XKR9: variants seen among roughly 807,000 people sequenced by gnomAD.
The protein encoded by XKR9 is XK-related protein 9.
In XKR9, 32 loss-of-function variants were observed where a neutral mutation model predicts 32.0. That is an observed-to-expected ratio of 1.00 (90% confidence interval 0.76 to 1.34). The LOEUF is 1.34. Among genes scored for constraint, XKR9 ranks in the 40% most tolerant of loss-of-function variants. The probability of loss-of-function intolerance (pLI) is 0.00; values close to 1 mark genes in which losing one functional copy is unlikely to be tolerated. For synonymous variants in XKR9, 168 were observed against 143.4 expected, an observed-to-expected ratio of 1.17 and a Z score of -1.22; for missense variants, 546 against 429.7, an observed-to-expected ratio of 1.27 and a Z score of -2.39.
At chr8:70,746,554 G>C (rs1170846172) in intron 2 of XKR9, among the ~76,000 whole-genome samples, 2 of 151,126 alleles carry the variant, frequency 1.3e-5, no homozygotes, top group South Asian at 2.1e-4. Flanking sequence ...ATATTGCTTT[G>C]ATGGTAGGAA....
chr8:70,681,092 G>C lies in XKR9; in HGVS notation c.34G>C (p.Val12Leu), dbSNP rs531563465. Residue 12 changes from valine (V) to leucine (L), a missense_variant, in exon 3 of 5, where the codon GTT becomes CTT. Coordinates refer to ENST00000408926, the MANE Select transcript of XKR9 (RefSeq NM_001011720.2). ...TACTAAACAGAATTTTATGATGTCA[G>C]TTCTTGGCATTATAATCTACGTAAC... ...KYTKQNFMMS[V>L]LGIIIYVTDL... The C allele has an allele frequency of 3.1e-6, 5 of 1,613,060 alleles. No homozygotes were observed. In the East Asian group the frequency reaches 1.1e-4, roughly 36 times the overall value.
chr8:70,791,205 C>G (rs1283590127), downstream of XKR9, among the ~76,000 whole-genome samples: 4 of 151,802 alleles, frequency 2.6e-5, no homozygotes, highest in African/African-American at 9.7e-5. Context: ...GGCCAGGCAT[C>G]TTGGCTTTGT....
intron 2 of XKR9, among the ~76,000 whole-genome samples, 196 bp from the exon 3 acceptor site, chr8:70,680,585 T>C (rs1441159256): frequency 6.6e-6 from 1 of 152,098 alleles, no homozygotes; most frequent in Non-Finnish European, 1.5e-5. Flanking sequence ...GTCATATTTT[T>C]AAAAGATAAA....
chr8:70,752,910 C>A (rs12678221), intron 2 of XKR9, among the ~76,000 whole-genome samples: 2 of 149,322 alleles, frequency 1.3e-5, no homozygotes, highest in Non-Finnish European at 3.0e-5. Context: ...AAGAAATAAC[C>A]AAAATCAGAC....
At chr8:70,776,963 A>G (rs1807534306) in intron 2 of XKR9, among the ~76,000 whole-genome samples, 1 of 105,850 alleles carries the variant, frequency 9.4e-6, no homozygotes, top group Non-Finnish European at 2.1e-5. Flanking sequence ...ATATATATAT[A>G]TGTATGTATT....
chr8:70,913,386 T>C, the XKR9 span, among the ~76,000 whole-genome samples: 1 of 152,150 alleles, frequency 6.6e-6, no homozygotes, highest in Non-Finnish European at 1.5e-5. Flanking sequence ...TTGAGAATTA[T>C]TAGAAATACT....
In XKR9 at chr8:70,785,737, C is replaced by CTA. The variant is rs1300754425; in HGVS notation, n.353-3601_353-3600insAT. ...TTTTTTGCTCTCTCTCTCTCTCTCT[C>CTA]TCTATATATATATATATATGTATAT... On this transcript the variant is annotated intron_variant and non_coding_transcript_variant, in intron 2 of 3. Transcript: ENST00000520273. Among the ~76,000 whole-genome samples the CTA allele has an allele frequency of 4.8e-3, 551 of 115,670 alleles. 1 individual carries two copies. The highest frequency in any genetic ancestry group is 0.018 in the South Asian group (71 of 4,010). 75.9% of individuals were successfully genotyped at this position (115,670 alleles called of 152,430 possible). A position where few individuals can be genotyped will look rare whatever the true frequency, so the allele number is the denominator to read the frequency against.
At chr8:70,705,820 CAGAG>C (rs1158019516) in intron 3 of XKR9, among the ~76,000 whole-genome samples, 1 of 151,976 alleles carries the variant, frequency 6.6e-6, no homozygotes, top group African/African-American at 2.4e-5. Flanking sequence ...AGAGTAGAAT[CAGAG>C]AGACCAATTA....
chr8:71,057,954 G>A, the XKR9 span, among the ~76,000 whole-genome samples: 1 of 152,140 alleles, frequency 6.6e-6, no homozygotes, highest in Non-Finnish European at 1.5e-5. Flanking sequence ...GGAGGCCGAG[G>A]TGGATGGATC....
chr8:71,047,852 A>G, the XKR9 span, among the ~76,000 whole-genome samples: 10 of 152,332 alleles, frequency 6.6e-5, no homozygotes, highest in East Asian at 1.7e-3. Flanking sequence ...TCATTTGTAT[A>G]TGGAAGCACT....
intron 2 of XKR9, among the ~76,000 whole-genome samples, chr8:70,742,595 C>CT (rs1807003576): frequency 6.6e-6 from 1 of 151,904 alleles, no homozygotes; most frequent in Non-Finnish European, 1.5e-5. Context: ...GTGATGATTT[C>CT]TTTTTTAATT....
chr8:70,763,936 A>G (rs1807340317), intron 2 of XKR9, among the ~76,000 whole-genome samples: 1 of 152,192 alleles, frequency 6.6e-6, no homozygotes, highest in Non-Finnish European at 1.5e-5. Context: ...ACAGAACTTT[A>G]GATTCAGATT....
the XKR9 span, among the ~76,000 whole-genome samples, chr8:70,840,632 G>A: frequency 7.9e-5 from 12 of 152,166 alleles, no homozygotes; most frequent in Non-Finnish European, 1.5e-4. Flanking sequence ...GCTTCCAGAA[G>A]TTCAGCATCA....
chr8:70,821,112 G>A, the XKR9 span, among the ~76,000 whole-genome samples: 1 of 152,174 alleles, frequency 6.6e-6, no homozygotes, highest in Admixed American at 6.5e-5. Context: ...ATACAATGAG[G>A]ATACAGGCAT....
chr8:70,722,968 CA>C (rs1277588683), intron 4 of XKR9, among the ~76,000 whole-genome samples: 4 of 151,946 alleles, frequency 2.6e-5, no homozygotes, highest in Non-Finnish European at 5.9e-5. Flanking sequence ...CACAGAGTCC[CA>C]TATTTCTTGG....
chr8:70,860,529 C>T, the XKR9 span, among the ~76,000 whole-genome samples: 26 of 152,218 alleles, frequency 1.7e-4, no homozygotes, highest in Admixed American at 1.6e-3. Flanking sequence ...CTCTTCTAAA[C>T]TTAATTTATA....
At chr8:70,891,375 A>G in the XKR9 span, among the ~76,000 whole-genome samples, 935 of 151,808 alleles carry the variant, frequency 6.2e-3, 9 homozygotes, top group Non-Finnish European at 8.9e-3. Flanking sequence ...TTTGAGATGA[A>G]TTGTTAGGTT....
the XKR9 span, among the ~76,000 whole-genome samples, chr8:70,801,782 T>A: frequency 1.3e-5 from 2 of 152,154 alleles, no homozygotes; most frequent in African/African-American, 2.4e-5. Context: ...TCACTATTAT[T>A]CTGTGGTTAT....
the XKR9 span, among the ~76,000 whole-genome samples, chr8:71,011,261 A>G: frequency 0.43 from 65,716 of 151,954 alleles, 15,288 homozygotes; most frequent in Non-Finnish European, 0.53. Flanking sequence ...TTGTGCCACT[A>G]TTTTCCCTAG....
Sources: gnomAD v4.1 joint callset for allele counts (sites outside exome capture counted in the v4.1 genomes callset) on GRCh38, gnomAD v4.1.1 for gene constraint, MANE v1.5 for transcripts, NCBI Gene and HGNC (gene_info 2026-07-23, HGNC 2026-07-21) for gene names.